Variants in MYO7A observed in about 807,000 individuals in gnomAD.
The protein encoded by MYO7A is myosin VIIA, also known as unconventional myosin-VIIa.
MYO7A carries 210 observed loss-of-function variants against 263.8 expected under a neutral mutation model. That is an observed-to-expected ratio of 0.80 (90% CI 0.71 to 0.89). The LOEUF is 0.89. Among genes scored for constraint, MYO7A ranks in the 40% least tolerant of loss-of-function variants. The pLI, the probability that MYO7A is intolerant of heterozygous loss-of-function variation, is 0.00. For missense variants in MYO7A, 2,820 were observed against 2,968.3 expected, an observed-to-expected ratio of 0.95 and a Z score of 1.16; for synonymous variants, 1,239 against 1,197.3, an observed-to-expected ratio of 1.03 and a Z score of -0.72.
At chr11:77,161,522 G>A (rs1952994743) in intron 12 of MYO7A, among the ~76,000 whole-genome samples, 1 of 152,226 alleles carries the variant, frequency 6.6e-6, no homozygotes, top group African/African-American at 2.4e-5. Context: ...CTGATGGGTG[G>A]TGTCACATAC....
At position 77,137,108 on chromosome 11, in the gene MYO7A, G is replaced by A. The variant is rs139469051; in HGVS notation, c.19-5601G>A. 4.2e-3 allele frequency among the ~76,000 whole-genome samples: 638 copies of A among 152,310 alleles called. 9 individuals carry two copies. Among genetic ancestry groups the A allele is most frequent in the Middle Eastern group, 3.4e-3 (1 of 294 alleles). On this transcript the variant is annotated intron_variant, in intron 2 of 48. Transcript: ENST00000409709. Reference sequence around the variant, plus strand: ...TCCCAATGTACTGCTATAGATGGGCGGGGAGAGATAGGTGTGCCTGTTTTC... The same window carrying A: ...TCCCAATGTACTGCTATAGATGGGCAGGGAGAGATAGGTGTGCCTGTTTTC...
chr11:77,208,907 C>G, intron 44 of MYO7A, 104 bp downstream of exon 44: 1 of 908,246 alleles, frequency 1.1e-6, no homozygotes, highest in South Asian at 1.5e-5. Flanking sequence ...GGGGCCCGTA[C>G]CAGCCTGGCC....
chr11:77,161,488 G>A (rs1952991127), intron 12 of MYO7A, among the ~76,000 whole-genome samples: 1 of 152,244 alleles, frequency 6.6e-6, no homozygotes, highest in South Asian at 2.1e-4. Context: ...GGGATTCTGT[G>A]CCTTTTAGGG....
chr11:77,199,593 T>G lies in MYO7A; in HGVS notation c.4627T>G (p.Ser1543Ala), dbSNP rs1956917199. ...CSDLGCAAPH[S>A]GWAGLTPAGP... Reference sequence around the variant, plus strand: ...TGATCTTGGCTGTGCTGCGCCTCACTCAGGCTGGGCAGGACTGACCCCGGC... The same window carrying G: ...TGATCTTGGCTGTGCTGCGCCTCACGCAGGCTGGGCAGGACTGACCCCGGC... Residue 1543 changes from serine to alanine, a missense_variant, in exon 35 of 49, where the codon TCA becomes GCA. Ser to Ala is a moderately conservative substitution (Grantham distance 99, BLOSUM62 1). Coordinates refer to ENST00000409709, the MANE Select transcript of MYO7A (RefSeq NM_000260.4). The G allele has an allele frequency of 4.4e-6, 7 of 1,584,394 alleles. No individual in the cohort carries two copies. Among genetic ancestry groups the G allele is most frequent in the Non-Finnish European group, 5.2e-6 (6 of 1,164,432 alleles).
chr11:77,212,965 C>G lies in MYO7A; in HGVS notation c.6368C>G (p.Pro2123Arg), dbSNP rs1388208765. The change falls in exon 47 of 49, where the codon CCA becomes CGA. Residue 2123 changes from proline (P) to arginine (R), a missense_variant. Transcript: ENST00000409709. ...AFFEVKQTTE[P>R]NFPEILLIAI... ...CTTTTTTTCTAGCAAACTACGGAGC[C>G]AAACTTCCCTGAGATCCTCCTAATT... 3.8e-6 allele frequency: 6 copies of G among 1,595,004 alleles called. No individual in the cohort carries two copies. Among genetic ancestry groups the G allele is most frequent in the Non-Finnish European group, 1.7e-6 (2 of 1,170,286 alleles).
In MYO7A at chr11:77,158,368, A is replaced by T. The variant is rs372058548; in HGVS notation, c.941A>T (p.Glu314Val). 3.1e-6 allele frequency: 5 copies of T among 1,613,246 alleles called. No homozygotes were observed. In the African/African-American group the frequency reaches 6.7e-5, roughly 22 times the overall value. ...AMKVLMFTDT[E>V]NWEISKLLAA... is the part of the protein sequence containing the mutation. ...AAGGTGCTCATGTTCACTGACACCG[A>T]GAACTGGGAGATCTCGAAGCTCCTG... The change falls in exon 9 of 49, where the codon GAG (glutamate) becomes GTG (valine). Residue 314 changes from glutamate to valine, a missense_variant. Physicochemically the swap from Glu to Val is moderately radical, Grantham distance 121 (BLOSUM62 -2). Transcript: ENST00000409709.
chr11:77,131,968 T>C (rs1479146727), intron 2 of MYO7A, among the ~76,000 whole-genome samples: 1 of 152,180 alleles, frequency 6.6e-6, no homozygotes, highest in Non-Finnish European at 1.5e-5. Context: ...AGCCTCAGTT[T>C]CCTCATATGT....
chr11:77,142,413 A>G, intron 2 of MYO7A: 1 of 468,532 alleles, frequency 2.1e-6, no homozygotes, highest in Non-Finnish European at 4.2e-6. Flanking sequence ...TGTAGGGTGT[A>G]GATCCATGGG....
rs573454806 is a variant in MYO7A at position 77,161,056 on chromosome 11, C to T, written c.1284C>T (p.Asn428=). ...AGCCTCCCTCCCAGGATGTGAAGAA[C>T]TCTCGCAGGTCCATCGGCCTCCTGG... ...IYKPPSQDVK[N]SRRSIGLLDI... Residue 428 remains asparagine, a synonymous_variant, in exon 12 of 49, where the codon AAC becomes AAT. Transcript: ENST00000409709. The T allele has an allele frequency of 6.2e-7, 1 of 1,613,968 alleles. No individual in the cohort carries two copies. The highest frequency in any genetic ancestry group is 1.1e-5 in the South Asian group (1 of 91,064).
At chr11:77,160,879 A>G in intron 11 of MYO7A, 94 bp from the exon 12 acceptor site, 1 of 1,444,594 alleles carries the variant, frequency 6.9e-7, no homozygotes, top group East Asian at 2.5e-5. Flanking sequence ...TGTTCCACAC[A>G]AGGGCTGGAG....
chr11:77,174,961 T>C, intron 17 of MYO7A, 47 bp downstream of exon 17: 8 of 1,593,232 alleles, frequency 5.0e-6, no homozygotes, highest in Non-Finnish European at 6.0e-6. Flanking sequence ...GTCCCAGCTT[T>C]GGCTGGGCAA....
chr11:77,181,928 G>A, intron 23 of MYO7A, 23 bp from the exon 24 acceptor site: 1 of 1,610,938 alleles, frequency 6.2e-7, no homozygotes, highest in Non-Finnish European at 8.5e-7. Context: ...GGGACTCCAG[G>A]GCATACCTCT....
In MYO7A at chr11:77,205,569, A is replaced by G; in HGVS notation, c.5588A>G (p.His1863Arg). The change falls in exon 40 of 49, where the codon CAC becomes CGC. Residue 1863 changes from histidine to arginine, a missense_variant. Physicochemically the swap from His to Arg is conservative, Grantham distance 29. Transcript: ENST00000409709. ...HVQRFLQSRK[H>R]CPLAIDCLQR... is the part of the protein sequence containing the mutation. The stretch of plus-strand genomic sequence containing the variant: ...CAGCGCTTCCTGCAGTCCCGAAAGC[A>G]CTGCCCACTCGCCATCGACTGCCTG... 6.2e-7 allele frequency: 1 copy of G among 1,613,270 alleles called. No homozygotes were observed. The highest frequency in any genetic ancestry group is 1.1e-5 in the South Asian group (1 of 90,846).
At chr11:77,182,232 G>A (rs1485793795) in intron 24 of MYO7A, 78 bp downstream of exon 24, 44 of 1,557,116 alleles carry the variant, frequency 2.8e-5, no homozygotes, top group Middle Eastern at 1.7e-4. Context: ...GGTGGTGGCC[G>A]TAGGTGATGA....
At chr11:77,190,622 CAGAG>C (rs775134332) in intron 29 of MYO7A, 71 bp from the exon 30 acceptor site, 129 of 1,487,576 alleles carry the variant, frequency 8.7e-5, no homozygotes, top group Non-Finnish European at 1.1e-4. Context: ...CCACAGAAAG[CAGAG>C]AGCCAAAGTC....
At position 77,214,794 on chromosome 11, in the gene MYO7A, C is replaced by T. The variant is rs1175206450; in HGVS notation, c.*98C>T. 1.5e-5 allele frequency: 16 copies of T among 1,049,126 alleles called. 1 individual carries two copies. The South Asian group carries it at 1.7e-4, about 11-fold the overall frequency. 65.0% of individuals were successfully genotyped at this position (1,049,126 alleles called of 1,614,324 possible). ...TGCAGCTGGGGAAGACTTATGCCATCCCGGCAGCGAGGCTGGGCTGGCCAG... is the reference window on the plus strand; with the variant it reads ...TGCAGCTGGGGAAGACTTATGCCATTCCGGCAGCGAGGCTGGGCTGGCCAG... On this transcript the variant is annotated 3_prime_UTR_variant, in exon 49 of 49. Transcript: ENST00000409709.
chr11:77,207,575 T>A (rs574706712), intron 42 of MYO7A, among the ~76,000 whole-genome samples, 173 bp downstream of exon 42: 123 of 152,152 alleles, frequency 8.1e-4, no homozygotes, highest in African/African-American at 2.8e-3. Flanking sequence ...TGCCCCCAGC[T>A]CTCTCTCTTC....
In MYO7A at chr11:77,179,142, A is replaced by G; in HGVS notation, c.2367+13A>G. The G allele has an allele frequency of 6.3e-7, 1 of 1,587,488 alleles. No individual in the cohort carries two copies. The highest frequency in any genetic ancestry group is 8.6e-7 in the Non-Finnish European group (1 of 1,166,708). On this transcript the variant is annotated intron_variant, in intron 20 of 48. Transcript: ENST00000409709. ...GAACTACGGGCTGGTGAGCCTCCCC[A>G]TGGGCTGCTCTTGCCCAAACAGGCC...
intron 12 of MYO7A, 148 bp from the exon 13 acceptor site, chr11:77,161,972 G>A (rs902635373): frequency 1.6e-5 from 12 of 748,358 alleles, no homozygotes; most frequent in Non-Finnish European, 2.6e-5. Flanking sequence ...GAGGGAGGTG[G>A]ACTTGACAAT....
Sources: gnomAD v4.1 joint callset for allele counts (sites outside exome capture counted in the v4.1 genomes callset) on GRCh38, gnomAD v4.1.1 for gene constraint, MANE v1.5 for transcripts, NCBI Gene and HGNC (gene_info 2026-07-23, HGNC 2026-07-21) for gene names.